Variants in GKAP1 observed in about 807,000 individuals in gnomAD.
GKAP1 encodes G kinase anchoring protein 1, also known as G kinase-anchoring protein 1.
GKAP1 carries 31 observed loss-of-function variants against 56.7 expected under a neutral mutation model. The observed-to-expected ratio is 0.55, with a 90% confidence interval of 0.41 to 0.74. The LOEUF is 0.74. Ranked by LOEUF, GKAP1 falls within the 30% of genes least tolerant of loss-of-function variation. The pLI is 0.00. For missense variants in GKAP1, 364 were observed against 402.3 expected (o/e 0.90, Z 0.82); for synonymous variants, 151 against 138.6 (o/e 1.09, Z -0.63).
At position 83,784,754 on chromosome 9, in the gene GKAP1, T is replaced by C; in HGVS notation, c.523A>G (p.Arg175Gly). Residue 175 changes from arginine (R) to glycine (G), a missense_variant, in exon 6 of 13, where the codon AGA (arginine) becomes GGA (glycine). Arg to Gly is a moderately radical substitution (Grantham distance 125). Coordinates refer to ENST00000376371, the MANE Select transcript of GKAP1 (RefSeq NM_025211.4). ...DKRKNHQGKD[R>G]PLTVSLKDFH... is the part of the protein sequence containing the mutation. The stretch of plus-strand genomic sequence containing the variant: ...TCTTTTAGTGATACTGTGAGAGGTC[T>C]GTCTTTTCCCTGATGATTCTTTCTT... 1 of 1,604,422 alleles carries C rather than the reference T, an allele frequency of 6.2e-7. No homozygotes were observed. The highest frequency in any genetic ancestry group is 1.1e-5 in the South Asian group (1 of 89,762).
chr9:83,742,966 G>A (rs969569321), intron 10 of GKAP1, among the ~76,000 whole-genome samples: 1 of 152,142 alleles, frequency 6.6e-6, no homozygotes, highest in Non-Finnish European at 1.5e-5. Context: ...AGACCAGCCT[G>A]GCCAACATGG....
chr9:83,780,386 G>A lies in GKAP1; in HGVS notation c.581C>T (p.Thr194Ile). 1 of 1,205,578 alleles carries A rather than the reference G, an allele frequency of 8.3e-7. No homozygotes were observed. Among genetic ancestry groups the A allele is most frequent in the Non-Finnish European group, 1.1e-6 (1 of 896,726 alleles). 74.7% of individuals were successfully genotyped at this position (1,205,578 alleles called of 1,614,324 possible). Residue 194 changes from threonine to isoleucine, a missense_variant, in exon 7 of 13, where the codon ACT becomes ATT. Thr to Ile is a moderately conservative substitution (Grantham distance 89). Transcript: ENST00000376371. ...FHSEDHISKKTEELSSSQTLS... is the reference protein window; with the variant it reads ...FHSEDHISKKIEELSSSQTLS... ...GATGGCTACAATAAGACTTACCTCA[G>A]TCTTTTTACTAATGTGATCTGTAAA...
chr9:83,765,656 T>C (rs1203711085), intron 8 of GKAP1, among the ~76,000 whole-genome samples: 5 of 152,124 alleles, frequency 3.3e-5, no homozygotes, highest in Admixed American at 1.3e-4. Flanking sequence ...GCATGCGAGA[T>C]GTGGAGTCAA....
At chr9:83,796,035 A>G (rs1436259049) in intron 4 of GKAP1, among the ~76,000 whole-genome samples, 1 of 152,226 alleles carries the variant, frequency 6.6e-6, no homozygotes, top group East Asian at 1.9e-4. Flanking sequence ...TCTTAAAATT[A>G]GAATCTAATT....
intron 6 of GKAP1, 130 bp from the exon 7 acceptor site, chr9:83,780,534 A>G (rs1943954037): frequency 2.0e-6 from 1 of 509,490 alleles, no homozygotes; most frequent in African/African-American, 2.0e-5. Flanking sequence ...GAAGTCATTT[A>G]AGAGTTTTCT....
rs373314576 is a variant in GKAP1 at position 83,814,008 on chromosome 9, T to G, written c.-44+2988A>C. ...CCAGCTACTTGGGAGGCTAAGGTGG[T>G]AGGATCACCTGAGCCTGGGGGTCGA... On this transcript the variant is annotated intron_variant, in intron 2 of 12. Transcript: ENST00000376371. 9.7e-3 allele frequency among the ~76,000 whole-genome samples: 1,473 copies of G among 152,024 alleles called. 7 individuals carry two copies. The highest frequency in any genetic ancestry group is 0.022 in the African/African-American group (907 of 41,440).
intron 7 of GKAP1, among the ~76,000 whole-genome samples, chr9:83,772,300 T>G (rs941325133): frequency 1.3e-5 from 2 of 152,160 alleles, no homozygotes; most frequent in African/African-American, 4.8e-5. Flanking sequence ...GCCTTCATAT[T>G]TATGATCAAA....
intron 3 of GKAP1, among the ~76,000 whole-genome samples, chr9:83,805,302 C>G (rs1435561056): frequency 6.6e-6 from 1 of 152,022 alleles, no homozygotes; most frequent in Non-Finnish European, 1.5e-5. Flanking sequence ...ACTCCCTAAT[C>G]TCAAGTACCC....
intron 4 of GKAP1, among the ~76,000 whole-genome samples, chr9:83,798,971 G>T (rs1471471811): frequency 6.6e-6 from 1 of 152,120 alleles, no homozygotes; most frequent in East Asian, 1.9e-4. Context: ...CAAAATAACT[G>T]CTTCCTATTG....
Position 83,753,257 on chromosome 9 carries a change from C to T in GKAP1, c.840+1G>A. On this transcript the variant is annotated splice_donor_variant, in intron 9 of 12. Transcript: ENST00000376371. LOFTEE classifies it high-confidence loss of function. ...TTTAACAACAGTAAATGGACACAAA[C>T]CTCCCATTGAGTGATTACATTTTTC... is the stretch of plus-strand genomic sequence containing the variant. 6.4e-7 allele frequency: 1 copy of T among 1,552,230 alleles called. No individual in the cohort carries two copies. Among genetic ancestry groups the T allele is most frequent in the South Asian group, 1.1e-5 (1 of 88,108 alleles).
At chr9:83,812,569 G>C (rs925330805) in intron 2 of GKAP1, among the ~76,000 whole-genome samples, 3 of 150,346 alleles carry the variant, frequency 2.0e-5, no homozygotes, top group African/African-American at 7.3e-5. Flanking sequence ...TGAACCCCTA[G>C]GCTCAAGCAA....
chr9:83,765,961 G>C (rs1042121729), intron 8 of GKAP1, among the ~76,000 whole-genome samples: 1 of 152,202 alleles, frequency 6.6e-6, no homozygotes, highest in South Asian at 2.1e-4. Context: ...ATTGTGTTTT[G>C]AAATGTGAGG....
intron 7 of GKAP1, among the ~76,000 whole-genome samples, chr9:83,771,241 T>G (rs371566110): frequency 1.4e-5 from 1 of 70,612 alleles, no homozygotes; most frequent in Non-Finnish European, 3.4e-5. Context: ...TTTTTTGTTG[T>G]TTGTTTGTTT....
chr9:83,805,892 A>C (rs1051296487), intron 3 of GKAP1, among the ~76,000 whole-genome samples: 2 of 152,184 alleles, frequency 1.3e-5, no homozygotes, highest in African/African-American at 4.8e-5. Flanking sequence ...TGAGGCAAGC[A>C]GATTGCTTGA....
rs1176284986 is a variant in GKAP1, at chr9:83,739,822, C to A, written c.1054-78G>T. On this transcript the variant is annotated intron_variant, in intron 12 of 12. Transcript: ENST00000376371. ...ACCACTTCATTTAAAAAATATAGACCAAAGGCATCTTGGGGTATGAGAAGG... is the reference window on the plus strand; with the variant it reads ...ACCACTTCATTTAAAAAATATAGACAAAAGGCATCTTGGGGTATGAGAAGG... The A allele has an allele frequency of 3.4e-6, 4 of 1,160,782 alleles. No homozygotes were observed. In the East Asian group the frequency reaches 9.6e-5, roughly 28 times the overall value. 71.9% of individuals were successfully genotyped at this position (1,160,782 alleles called of 1,614,324 possible).
chr9:83,795,071 G>C (rs556239092), intron 4 of GKAP1, among the ~76,000 whole-genome samples: 11 of 149,866 alleles, frequency 7.3e-5, no homozygotes, highest in African/African-American at 2.7e-4. Context: ...TAGGAGAATC[G>C]CTTGAATCCG....
chr9:83,785,001 A>G lies in GKAP1; in HGVS notation c.439-163T>C, dbSNP rs80273569. Among the ~76,000 whole-genome samples, 506 of 152,338 alleles carry G rather than the reference A, an allele frequency of 3.3e-3. 2 individuals are homozygous for G. Among genetic ancestry groups the G allele is most frequent in the African/African-American group, 0.011 (469 of 41,590 alleles). ...TGTATAAAGAGATACCTCTTTATTC[A>G]TTTACTCAATCCCTTACATCTTAAA... is the stretch of plus-strand genomic sequence containing the variant. On this transcript the variant is annotated intron_variant, in intron 5 of 12. Coordinates refer to ENST00000376371, the MANE Select transcript of GKAP1 (RefSeq NM_025211.4).
intron 4 of GKAP1, 65 bp from the exon 5 acceptor site, chr9:83,788,743 A>G (rs560488073): frequency 3.2e-6 from 3 of 928,604 alleles, no homozygotes; most frequent in African/African-American, 3.3e-5. Context: ...AAATAACCAT[A>G]CATATTACTA....
At chr9:83,771,629 G>A (rs145389671) in intron 7 of GKAP1, among the ~76,000 whole-genome samples, 2 of 152,256 alleles carry the variant, frequency 1.3e-5, no homozygotes, top group African/African-American at 4.8e-5. Context: ...AGAAGTTGAT[G>A]AGCAAGTATT....
Sources: allele counts gnomAD v4.1 joint callset (sites outside exome capture counted in the v4.1 genomes callset), GRCh38; gene constraint gnomAD v4.1.1; transcripts MANE v1.5; gene names NCBI Gene and HGNC (gene_info 2026-07-23, HGNC 2026-07-21).